Variants in RAB38 observed in about 807,000 individuals in gnomAD.
RAB38 encodes the protein RAB38, member RAS oncogene family.
Under a neutral mutation model 18.4 loss-of-function variants are expected in RAB38, and 15 were observed. That is an observed-to-expected ratio of 0.82 (90% confidence interval 0.55 to 1.26). The LOEUF (loss-of-function observed/expected upper bound fraction) is 1.26, where lower values mean the gene tolerates loss of function less well. RAB38 is among the 50% of genes most tolerant of loss of function. The pLI is 0.00. For synonymous variants in RAB38, 101 were observed against 104.4 expected (o/e 0.97, Z 0.20); for missense variants, 294 against 267.4 (o/e 1.10, Z -0.69).
the RAB38 span, among the ~76,000 whole-genome samples, chr11:88,025,827 G>A: frequency 2.0e-5 from 3 of 152,032 alleles, no homozygotes; most frequent in African/African-American, 7.2e-5. Flanking sequence ...TAGGCTGTCT[G>A]TTTACTCTAT....
rs530903477 is a variant in RAB38, at chr11:88,133,276, T to G, written c.483+16399A>C. On this transcript the variant is annotated intron_variant, in intron 2 of 2. Transcript: ENST00000243662. ...AAAGTCATTCTGTGCTGGGAATTTG[T>G]GAAAGCCAAATAAGAAAATAAATGT... is the stretch of plus-strand genomic sequence containing the variant. Among the ~76,000 whole-genome samples, 5 of 152,328 alleles carry G rather than the reference T, an allele frequency of 3.3e-5. No homozygotes were observed. The South Asian group carries it at 1.0e-3, about 32-fold the overall frequency.
chr11:87,951,780 G>T, the RAB38 span, among the ~76,000 whole-genome samples: 1 of 152,122 alleles, frequency 6.6e-6, no homozygotes, highest in African/African-American at 2.4e-5. Context: ...AGGAGTACCT[G>T]GCTGTGTGAG....
At chr11:87,915,637 A>C in the RAB38 span, among the ~76,000 whole-genome samples, 1 of 152,136 alleles carries the variant, frequency 6.6e-6, no homozygotes, top group African/African-American at 2.4e-5. Context: ...CTTGTTTAGT[A>C]TGTAATCAAG....
chr11:88,054,354 A>G, the RAB38 span, among the ~76,000 whole-genome samples: 1 of 152,210 alleles, frequency 6.6e-6, no homozygotes, highest in South Asian at 2.1e-4. Flanking sequence ...AGTTTTATGT[A>G]TAAGATGGAA....
the RAB38 span, among the ~76,000 whole-genome samples, chr11:87,870,699 A>G: frequency 2.0e-5 from 3 of 151,636 alleles, no homozygotes; most frequent in African/African-American, 7.2e-5. Flanking sequence ...ATAGAACACA[A>G]TTGCTTCTGT....
At chr11:87,847,074 A>C in the RAB38 span, among the ~76,000 whole-genome samples, 1 of 152,050 alleles carries the variant, frequency 6.6e-6, no homozygotes, top group Non-Finnish European at 1.5e-5. Context: ...AAAAAGAAAG[A>C]TCTAAAGTTC....
chr11:88,056,228 G>T, the RAB38 span, among the ~76,000 whole-genome samples: 1 of 152,068 alleles, frequency 6.6e-6, no homozygotes, highest in Non-Finnish European at 1.5e-5. Flanking sequence ...TGCCAGGCTG[G>T]ATATTACAGA....
the RAB38 span, among the ~76,000 whole-genome samples, chr11:87,941,169 T>C: frequency 7.2e-6 from 1 of 138,756 alleles, no homozygotes; most frequent in Non-Finnish European, 1.5e-5. Flanking sequence ...CTCTTTATCG[T>C]ATGTATTTTA....
the RAB38 span, among the ~76,000 whole-genome samples, chr11:88,059,153 C>A: frequency 7.3e-6 from 1 of 137,720 alleles, no homozygotes; most frequent in African/African-American, 2.8e-5. Context: ...GAAACTATAT[C>A]ATAAAGTGTT....
the RAB38 span, among the ~76,000 whole-genome samples, chr11:88,092,456 G>T: frequency 1.5e-5 from 2 of 132,746 alleles, no homozygotes; most frequent in Admixed American, 8.1e-5. Flanking sequence ...GGATATAGAT[G>T]CCAGGCTCTT....
the RAB38 span, among the ~76,000 whole-genome samples, chr11:87,858,211 C>G: frequency 8.5e-5 from 13 of 152,210 alleles, no homozygotes; most frequent in African/African-American, 3.1e-4. Flanking sequence ...CTGTTCTGTT[C>G]CATTGGTCTA....
At chr11:87,886,316 A>T in the RAB38 span, among the ~76,000 whole-genome samples, 1 of 149,338 alleles carries the variant, frequency 6.7e-6, no homozygotes, top group African/African-American at 2.5e-5. Flanking sequence ...CTATGTTGTG[A>T]GTGTGTGTGT....
At chr11:88,024,737 C>G in the RAB38 span, among the ~76,000 whole-genome samples, 1 of 152,072 alleles carries the variant, frequency 6.6e-6, no homozygotes, top group Non-Finnish European at 1.5e-5. Flanking sequence ...ATGGAAAGAA[C>G]TGGATGAAAT....
chr11:87,890,717 T>C, the RAB38 span, among the ~76,000 whole-genome samples: 2 of 151,930 alleles, frequency 1.3e-5, no homozygotes, highest in Non-Finnish European at 2.9e-5. Flanking sequence ...CTCTGTGTTT[T>C]TGCATAAGTT....
At chr11:88,074,080 T>C in the RAB38 span, among the ~76,000 whole-genome samples, 1 of 151,204 alleles carries the variant, frequency 6.6e-6, no homozygotes, top group Non-Finnish European at 1.5e-5. Context: ...TACTGGTGTT[T>C]AAGAGAGAGT....
the RAB38 span, among the ~76,000 whole-genome samples, chr11:87,882,791 A>G: frequency 6.6e-6 from 1 of 151,654 alleles, no homozygotes; most frequent in Non-Finnish European, 1.5e-5. Flanking sequence ...GAGGTAACCT[A>G]TTTTCTTAAG....
chr11:88,063,058 C>T, the RAB38 span, among the ~76,000 whole-genome samples: 1 of 152,092 alleles, frequency 6.6e-6, no homozygotes, highest in Non-Finnish European at 1.5e-5. Context: ...AATAAACTGT[C>T]TCAAGGGATA....
chr11:87,962,218 A>G, the RAB38 span, among the ~76,000 whole-genome samples: 5 of 152,110 alleles, frequency 3.3e-5, no homozygotes, highest in East Asian at 9.7e-4. Flanking sequence ...TAGGAAAAAA[A>G]GCATCTTTTA....
the RAB38 span, among the ~76,000 whole-genome samples, chr11:87,832,801 T>C: frequency 1.3e-5 from 2 of 152,108 alleles, no homozygotes; most frequent in Non-Finnish European, 2.9e-5. Flanking sequence ...AGGCTTTGTA[T>C]TTTAAAGTCC....
Sources: gnomAD v4.1 joint callset for allele counts (sites outside exome capture counted in the v4.1 genomes callset) on GRCh38, gnomAD v4.1.1 for gene constraint, MANE v1.5 for transcripts, NCBI Gene and HGNC (gene_info 2026-07-23, HGNC 2026-07-21) for gene names.